Variants in MID2 observed in about 807,000 individuals in gnomAD.
MID2 encodes the protein probable E3 ubiquitin-protein ligase MID2.
A neutral mutation model predicts 46.1 loss-of-function variants in MID2; 13 were observed. The ratio of observed to expected loss-of-function variants is 0.28; its 90% CI spans 0.18 to 0.45. MID2 has a LOEUF of 0.45. Ranked by LOEUF, MID2 falls within the 20% of genes least tolerant of loss-of-function variation. The pLI, the probability that MID2 is intolerant of heterozygous loss-of-function variation, is 1.00. For missense variants in MID2, 431 were observed against 575.4 expected (o/e 0.75, Z 2.57); for synonymous variants, 199 against 212.3 (o/e 0.94, Z 0.55).
intron 7 of MID2, among the ~76,000 whole-genome samples, chrX:107,923,800 A>G (rs1933117049): frequency 8.9e-6 from 1 of 111,926 alleles, no homozygotes; most frequent in African/African-American, 3.3e-5. Flanking sequence ...TAAAAATACC[A>G]GGGTTCTATT....
intron 7 of MID2, among the ~76,000 whole-genome samples, chrX:107,918,658 G>A (rs1025847443): frequency 1.8e-5 from 2 of 111,365 alleles, no homozygotes; most frequent in East Asian, 2.8e-4. Flanking sequence ...CATTTGCTTC[G>A]TGCAGCTCCA....
chrX:107,931,213 G>A lies in MID2; in HGVS notation c.*4140G>A, dbSNP rs1256241705. ...TGAATAAACTCAAATATTTGATACT[G>A]CTTCCTCCAAGGAATGGAGAGTGTC... On this transcript the variant is annotated 3_prime_UTR_variant, in exon 10 of 10. Coordinates refer to ENST00000262843, the MANE Select transcript of MID2 (RefSeq NM_012216.4). Among the ~76,000 whole-genome samples the A allele has an allele frequency of 8.9e-6, 1 of 112,145 alleles. No individual in the cohort carries two copies. Among genetic ancestry groups the A allele is most frequent in the Non-Finnish European group, 1.9e-5 (1 of 53,186 alleles).
Position 107,927,147 on chromosome X carries a change from C to A in MID2, c.*74C>A. The A allele has an allele frequency of 1.1e-6, 1 of 935,302 alleles. No homozygotes were observed. Among genetic ancestry groups the A allele is most frequent in the Non-Finnish European group, 1.5e-6 (1 of 687,741 alleles). 77.1% of individuals were successfully genotyped at this position (935,302 alleles called of 1,213,427 possible). ...CCCCTCCTACACCTAAGTTAGCGTTCAATATACGAGACACAAAATAAAGTT... is the reference window on the plus strand; with the variant it reads ...CCCCTCCTACACCTAAGTTAGCGTTAAATATACGAGACACAAAATAAAGTT... On this transcript the variant is annotated 3_prime_UTR_variant, in exon 10 of 10. Coordinates refer to ENST00000262843, the MANE Select transcript of MID2 (RefSeq NM_012216.4).
intron 2 of MID2, among the ~76,000 whole-genome samples, chrX:107,850,680 G>A (rs1347119489): frequency 8.9e-6 from 1 of 111,966 alleles, no homozygotes; most frequent in Non-Finnish European, 1.9e-5. Context: ...ATTGCTAGGG[G>A]CAAACTAACC....
At position 107,889,967 on chromosome X, in the gene MID2, A is replaced by G. The variant is rs755599479; in HGVS notation, c.817-13991A>G. Among the ~76,000 whole-genome samples the G allele has an allele frequency of 1.8e-4, 20 of 111,914 alleles. No individual in the cohort carries two copies. The South Asian group carries it at 1.9e-3, about 11-fold the overall frequency. ...TTCTCGTGCCATGGTTTTCAGCTCC[A>G]TCAGGTCCTTTAAGGACTTCTCTGC... On this transcript the variant is annotated intron_variant, in intron 3 of 9. Coordinates refer to ENST00000262843, the MANE Select transcript of MID2 (RefSeq NM_012216.4).
At chrX:107,854,426 AAAT>A (rs1217674080) in intron 2 of MID2, among the ~76,000 whole-genome samples, 180 bp from the exon 3 acceptor site, 1 of 112,635 alleles carries the variant, frequency 8.9e-6, no homozygotes, top group Non-Finnish European at 1.9e-5. Flanking sequence ...AATAGTGAGC[AAAT>A]GTGCAGCATT....
chrX:107,900,299 T>C (rs1416713004), intron 3 of MID2, among the ~76,000 whole-genome samples: 1 of 111,884 alleles, frequency 8.9e-6, no homozygotes. Context: ...TTTACTGTGC[T>C]AAATCAGTCA....
intron 2 of MID2, among the ~76,000 whole-genome samples, chrX:107,852,835 C>T (rs1045163812): frequency 8.9e-6 from 1 of 111,850 alleles, no homozygotes; most frequent in African/African-American, 3.3e-5. Flanking sequence ...CTCTCTCCCC[C>T]ACATCCCCCC....
intron 2 of MID2, among the ~76,000 whole-genome samples, chrX:107,844,353 A>T (rs769218245): frequency 1.8e-5 from 2 of 111,443 alleles, no homozygotes; most frequent in Non-Finnish European, 3.8e-5. Context: ...TCAATTAATT[A>T]TTCAATTTTA....
rs1201587868 is a variant in MID2 at position 107,931,196 on chromosome X, CTCAAATATTT to C, written c.*4124_*4133del. Among the ~76,000 whole-genome samples, 2 of 112,190 alleles carry C rather than the reference CTCAAATATTT, an allele frequency of 1.8e-5. No individual in the cohort carries two copies. The highest frequency in any genetic ancestry group is 6.5e-5 in the African/African-American group (2 of 30,890). ...ATCCACGGATGGACTTTTGAATAAA[CTCAAATATTT>C]GATACTGCTTCCTCCAAGGAATGGA... On this transcript the variant is annotated 3_prime_UTR_variant, in exon 10 of 10. Transcript: ENST00000262843.
intron 5 of MID2, among the ~76,000 whole-genome samples, chrX:107,906,322 C>A: frequency 9.0e-6 from 1 of 111,298 alleles, no homozygotes; most frequent in South Asian, 3.9e-4. Flanking sequence ...TCCAGGCTCG[C>A]AGTGTTCCTC....
intron 3 of MID2, among the ~76,000 whole-genome samples, chrX:107,860,493 A>G (rs1032844159): frequency 3.6e-5 from 4 of 112,085 alleles, no homozygotes; most frequent in Admixed American, 2.8e-4. Flanking sequence ...AGTAGCACTT[A>G]AAGCCATGGA....
At chrX:107,901,405 AG>A (rs763181154) in intron 3 of MID2, among the ~76,000 whole-genome samples, 2 of 111,977 alleles carry the variant, frequency 1.8e-5, no homozygotes, top group Non-Finnish European at 3.8e-5. Context: ...GGAAAATCAG[AG>A]GTGGAAGCCA....
chrX:107,845,529 T>A (rs777778005), intron 2 of MID2, among the ~76,000 whole-genome samples: 42 of 95,166 alleles, frequency 4.4e-4, no homozygotes, highest in Non-Finnish European at 7.0e-4. Flanking sequence ...ACACACACTC[T>A]CTCTCTCTCT....
intron 1 of MID2, among the ~76,000 whole-genome samples, chrX:107,829,547 GCTATATAAGCA>G (rs1216545794): frequency 8.9e-6 from 1 of 112,242 alleles, no homozygotes; most frequent in Non-Finnish European, 1.9e-5. Context: ...TTGGGGTATG[GCTATATAAGCA>G]TGATTAGCAC....
Position 107,866,346 on chromosome X carries a change from G to A in MID2, c.816+11642G>A, listed in dbSNP as rs1006742151. 3.6e-5 allele frequency among the ~76,000 whole-genome samples: 4 copies of A among 110,211 alleles called. No homozygotes were observed. In the East Asian group the frequency reaches 1.1e-3, roughly 31 times the overall value. On this transcript the variant is annotated intron_variant, in intron 3 of 9. Coordinates refer to ENST00000262843, the MANE Select transcript of MID2 (RefSeq NM_012216.4). ...AATTGCATATTGTCTGCAGGCCAGA[G>A]AGCAAAATTAAACACCTTCATGCTT...
chrX:107,850,381 T>C (rs1261092179), intron 2 of MID2, among the ~76,000 whole-genome samples: 1 of 111,757 alleles, frequency 8.9e-6, no homozygotes, highest in Non-Finnish European at 1.9e-5. Context: ...TCGCTTCAAT[T>C]CTCTGTTTCC....
At position 107,840,484 on chromosome X, in the gene MID2, C is replaced by A. The variant is rs771934119; in HGVS notation, c.5-186C>A. The stretch of plus-strand genomic sequence containing the variant: ...ATTTGTGCATGAAAATAAACATAGG[C>A]ATTTGTCTAAAACAAGGTTTGAAGG... On this transcript the variant is annotated intron_variant, in intron 1 of 9. Transcript: ENST00000262843. 2.7e-5 allele frequency among the ~76,000 whole-genome samples: 3 copies of A among 112,416 alleles called. 1 individual carries two copies. The South Asian group carries it at 1.1e-3, about 42-fold the overall frequency.
chrX:107,866,892 C>G (rs1931969652), intron 3 of MID2, among the ~76,000 whole-genome samples: 1 of 111,954 alleles, frequency 8.9e-6, no homozygotes. Flanking sequence ...CATGTATTAT[C>G]TCATTTAATC....
Sources: gnomAD v4.1 joint callset for allele counts (sites outside exome capture counted in the v4.1 genomes callset) on GRCh38, gnomAD v4.1.1 for gene constraint, MANE v1.5 for transcripts, NCBI Gene and HGNC (gene_info 2026-07-23, HGNC 2026-07-21) for gene names.